The following AMZ1 variants were observed in gnomAD, a reference collection of about 807,000 sequenced individuals.
AMZ1 encodes archaemetzincin-1.
Under a neutral mutation model 29.9 loss-of-function variants are expected in AMZ1, and 39 were observed. That is an observed-to-expected ratio of 1.30 (90% CI 1.01 to 1.70). The LOEUF (loss-of-function observed/expected upper bound fraction) is 1.70. Ranked by LOEUF, AMZ1 falls within the 40% of genes most tolerant of loss-of-function variation. AMZ1 has a pLI of 0.00. For missense variants in AMZ1, 1,041 were observed against 680.6 expected (o/e 1.53, Z -5.89); for synonymous variants, 458 against 304.0 (o/e 1.51, Z -5.27).
rs182644161 is a variant in AMZ1, at chr7:2,719,585, G to A, written c.*6707G>A. 1.3e-5 allele frequency among the ~76,000 whole-genome samples: 2 copies of A among 152,336 alleles called. No homozygotes were observed. Among genetic ancestry groups the A allele is most frequent in the Admixed American group, 1.3e-4 (2 of 15,304 alleles). ...ACATTTTATACTGCAATGACTGATG[G>A]ACGACTTTGATATACAAAATAAATT... On this transcript the variant is annotated 3_prime_UTR_variant, in exon 7 of 7. Transcript: ENST00000683327.
chr7:2,709,834 G>A lies in AMZ1; in HGVS notation c.948+18G>A, dbSNP rs140293922. On this transcript the variant is annotated intron_variant, in intron 6 of 6. Transcript: ENST00000683327. ...GGTACCAGGTGAGTGGCTGAGTTGC[G>A]CTGCCCGGCTGCTGGGACCTGCGCT... 1,594 of 1,609,384 alleles carry A rather than the reference G, an allele frequency of 9.9e-4. 11 individuals are homozygous for A. The African/African-American group carries it at 0.017, about 17-fold the overall frequency.
chr7:2,735,305 C>G (rs956284948), intron 4 of AMZ1, among the ~76,000 whole-genome samples: 1 of 152,160 alleles, frequency 6.6e-6, no homozygotes, highest in East Asian at 1.9e-4. Flanking sequence ...CCAAGCCACC[C>G]TTGCCCGTTT....
intron 3 of AMZ1, among the ~76,000 whole-genome samples, chr7:2,704,670 C>T (rs1438066340): frequency 1.4e-5 from 2 of 140,276 alleles, no homozygotes; most frequent in Non-Finnish European, 3.0e-5. Context: ...GATCTTGGCT[C>T]ACTGCAAGCT....
rs780261999 is a variant in AMZ1 at position 2,709,797 on chromosome 7, G to C, written c.929G>C (p.Arg310Thr). 6.2e-7 allele frequency: 1 copy of C among 1,612,048 alleles called. No individual in the cohort carries two copies. Among genetic ancestry groups the C allele is most frequent in the Admixed American group, 1.7e-5 (1 of 59,982 alleles). Reference protein sequence around the residue: ...LRKLQHVLGFRLIERYQRLYT... With the variant: ...LRKLQHVLGFTLIERYQRLYT... ...AAGCTGCAGCATGTCCTGGGTTTCA[G>C]GCTCATCGAGAGGTACCAGGTGAGT... Residue 310 changes from arginine to threonine, a missense_variant, in exon 6 of 7, where the codon AGG (arginine) becomes ACG (threonine). By Grantham distance (71) the Arg-to-Thr change is moderately conservative. Coordinates refer to ENST00000683327, the MANE Select transcript of AMZ1 (RefSeq NM_001384743.1).
At chr7:2,692,432 T>C (rs539814955) in intron 1 of AMZ1, among the ~76,000 whole-genome samples, 132 of 152,110 alleles carry the variant, frequency 8.7e-4, no homozygotes, top group African/African-American at 2.9e-3. Flanking sequence ...GTCCCAGCTA[T>C]TCGGGAGGCT....
Position 2,700,540 on chromosome 7 carries a change from A to G in AMZ1, c.89A>G (p.Gln30Arg). ...GTCTCCACTGACGCAGCCCTGCAGC[A>G]GCTGTATGTGTCCGCCTTCTCCCCT... ...ALVSTDAALQ[Q>R]LYVSAFSPAE... is the part of the protein sequence containing the mutation. Residue 30 changes from glutamine to arginine, a missense_variant, in exon 2 of 7, where the codon CAG becomes CGG. Gln to Arg is a conservative substitution (Grantham distance 43). Coordinates refer to ENST00000683327, the MANE Select transcript of AMZ1 (RefSeq NM_001384743.1). 2 of 1,609,238 alleles carry G rather than the reference A, an allele frequency of 1.2e-6. No individual in the cohort carries two copies. The highest frequency in any genetic ancestry group is 1.7e-6 in the Non-Finnish European group (2 of 1,179,926).
At chr7:2,724,712 G>A (rs894541269) in intron 4 of AMZ1, among the ~76,000 whole-genome samples, 1 of 152,190 alleles carries the variant, frequency 6.6e-6, no homozygotes, top group African/African-American at 2.4e-5. Context: ...TTAAGAAAAA[G>A]CACCTAAGTT....
At chr7:2,743,320 G>C (rs1034058014) in intron 4 of AMZ1, among the ~76,000 whole-genome samples, 1 of 152,142 alleles carries the variant, frequency 6.6e-6, no homozygotes, top group Admixed American at 6.5e-5. Context: ...TGGATGAACA[G>C]AACAGGATTT....
intron 1 of AMZ1, among the ~76,000 whole-genome samples, chr7:2,698,263 C>T (rs571082863): frequency 1.2e-4 from 18 of 152,178 alleles, no homozygotes; most frequent in African/African-American, 2.4e-4. Flanking sequence ...ACCAAACAGG[C>T]GTGGTGGCTC....
chr7:2,709,541 C>T lies in AMZ1; in HGVS notation c.772-99C>T, dbSNP rs1308908047. 2.7e-6 allele frequency: 4 copies of T among 1,499,048 alleles called. No individual in the cohort carries two copies. In the Middle Eastern group the frequency reaches 7.4e-4, roughly 277 times the overall value. The allele number at this position is 1,499,048 out of a possible 1,614,324, so 92.9% of individuals were successfully genotyped here. ...GGACCACCTCCCGGCCATCTGGCCT[C>T]ACCCAGGTCCTCATTTTGGTCCTGC... On this transcript the variant is annotated intron_variant, in intron 5 of 6. Transcript: ENST00000683327.
rs895914669 is a variant in AMZ1 at position 2,715,457 on chromosome 7, G to A, written c.*2579G>A. 6.6e-6 allele frequency: 1 copy of A among 152,312 alleles called. No homozygotes were observed. The highest frequency in any genetic ancestry group is 2.4e-5 in the African/African-American group (1 of 41,452). 9.4% of individuals were successfully genotyped at this position (152,312 alleles called of 1,614,324 possible). A position where few individuals can be genotyped will look rare whatever the true frequency, so the allele number is the denominator to read the frequency against. ...AAATAGAATGCCTGGCTCATGCTGA[G>A]GGTGGGAGCCCACTGGGGTTATGAC... On this transcript the variant is annotated 3_prime_UTR_variant, in exon 7 of 7. Coordinates refer to ENST00000683327, the MANE Select transcript of AMZ1 (RefSeq NM_001384743.1).
upstream of AMZ1, chr7:2,762,829 C>G (rs1476164554): frequency 2.0e-6 from 3 of 1,508,060 alleles, no homozygotes; most frequent in East Asian, 2.6e-5. Flanking sequence ...CGCCACACAC[C>G]CAGTCAGCGC....
chr7:2,688,539 GCCGGGCC>G (rs1787188868), intron 1 of AMZ1, among the ~76,000 whole-genome samples: 3 of 152,268 alleles, frequency 2.0e-5, no homozygotes. Context: ...CAGAGGGAAG[GCCGGGCC>G]AGGGAAGGGC....
chr7:2,702,333 G>A (rs1461561211), intron 2 of AMZ1: 2 of 201,230 alleles, frequency 9.9e-6, no homozygotes, highest in Non-Finnish European at 1.0e-5. Flanking sequence ...CTGGCTCTGT[G>A]TCCTGCTGTC....
chr7:2,709,582 A>C, intron 5 of AMZ1, 58 bp from the exon 6 acceptor site: 3 of 1,567,488 alleles, frequency 1.9e-6, no homozygotes, highest in Middle Eastern at 2.4e-4. Flanking sequence ...CTGCCTGGGG[A>C]TCTGCCGGAT....
chr7:2,705,619 C>T (rs1788308471), intron 3 of AMZ1, among the ~76,000 whole-genome samples: 1 of 152,164 alleles, frequency 6.6e-6, no homozygotes, highest in African/African-American at 2.4e-5. Flanking sequence ...GGAGGGTTGT[C>T]TAAATTCCCT....
At chr7:2,741,841 G>C (rs1319713431) in intron 4 of AMZ1, among the ~76,000 whole-genome samples, 1 of 150,612 alleles carries the variant, frequency 6.6e-6, no homozygotes, top group South Asian at 2.1e-4. Flanking sequence ...GCAAGGATAA[G>C]AGTATTCATC....
At chr7:2,763,092 A>G (rs1791645762), upstream of AMZ1, 9 of 1,249,470 alleles carry the variant, frequency 7.2e-6, no homozygotes, top group East Asian at 2.8e-4. Flanking sequence ...TGAGTGAGAG[A>G]CCACAAGCAG....
chr7:2,699,242 G>A (rs77129018), intron 1 of AMZ1, among the ~76,000 whole-genome samples: 1,817 of 152,250 alleles, frequency 0.012, 46 homozygotes, highest in African/African-American at 0.041. Flanking sequence ...GTGCGGTGAC[G>A]ACTCTCAGGC....
Sources: allele counts gnomAD v4.1 joint callset (sites outside exome capture counted in the v4.1 genomes callset), GRCh38; gene constraint gnomAD v4.1.1; transcripts MANE v1.5; gene names NCBI Gene and HGNC (gene_info 2026-07-23, HGNC 2026-07-21).